Variants in SVEP1 observed in about 807,000 individuals in gnomAD.
SVEP1 encodes the protein sushi, von Willebrand factor type A, EGF and pentraxin domain-containing protein 1.
Under a neutral mutation model 367.3 loss-of-function variants are expected in SVEP1, and 164 were observed. The observed-to-expected ratio is 0.45, with a 90% CI of 0.39 to 0.51. The LOEUF is 0.51. Ranked by LOEUF, SVEP1 falls within the 20% of genes least tolerant of loss-of-function variation. SVEP1 has a pLI of 0.00. For synonymous variants in SVEP1, 1,666 were observed against 1,611.6 expected (o/e 1.03, Z -0.81); for missense variants, 4,117 against 4,425.3 (o/e 0.93, Z 1.98).
intron 17 of SVEP1, among the ~76,000 whole-genome samples, chr9:110,466,304 G>C (rs1167826188): frequency 2.0e-5 from 3 of 152,140 alleles, no homozygotes; most frequent in Non-Finnish European, 2.9e-5. Context: ...AATGAAGTTA[G>C]AAATACATAG....
chr9:110,499,009 T>A, intron 7 of SVEP1, 32 bp downstream of exon 7: 1 of 1,583,260 alleles, frequency 6.3e-7, no homozygotes, highest in Non-Finnish European at 8.6e-7. Flanking sequence ...TTAAAAAATT[T>A]GATTTTTAGC....
At chr9:110,471,284 T>C in intron 16 of SVEP1, 80 bp downstream of exon 16, 1 of 1,136,164 alleles carries the variant, frequency 8.8e-7, no homozygotes, top group South Asian at 1.5e-5. Flanking sequence ...CAATATCCCT[T>C]TATAGTTGTA....
Position 110,574,746 on chromosome 9 carries a change from T to TC in SVEP1, c.531+4266_531+4267insG, listed in dbSNP as rs1452903795. Among the ~76,000 whole-genome samples, 19 of 85,370 alleles carry TC rather than the reference T, an allele frequency of 2.2e-4. 1 individual carries two copies. Among genetic ancestry groups the TC allele is most frequent in the Admixed American group, 1.4e-4 (1 of 7,302 alleles). 56.0% of individuals were successfully genotyped at this position (85,370 alleles called of 152,430 possible). A position where few individuals can be genotyped will look rare whatever the true frequency, so the allele number is the denominator to read the frequency against. On this transcript the variant is annotated intron_variant, in intron 1 of 47. Transcript: ENST00000374469. ...GGGACTGAGTCCAGTCGACCTTCTT[T>TC]TTTTTTTTTTTTTTTTTTTTGAGGA...
At chr9:110,457,165 G>T in intron 21 of SVEP1, 91 bp downstream of exon 21, 1 of 1,030,188 alleles carries the variant, frequency 9.7e-7, no homozygotes, top group Non-Finnish European at 1.4e-6. Flanking sequence ...GTATCTTATC[G>T]GATATAGTTA....
chr9:110,458,885 C>A, intron 19 of SVEP1, 67 bp downstream of exon 19: 1 of 1,552,004 alleles, frequency 6.4e-7, no homozygotes, highest in Non-Finnish European at 8.8e-7. Context: ...AGAACTGAAG[C>A]TACAACAGAG....
intron 37 of SVEP1, among the ~76,000 whole-genome samples, chr9:110,409,330 G>A (rs113022004): frequency 8.1e-4 from 124 of 152,260 alleles, no homozygotes; most frequent in African/African-American, 2.9e-3. Context: ...GCTGAGGCAG[G>A]AGAATCACTT....
intron 3 of SVEP1, among the ~76,000 whole-genome samples, chr9:110,530,743 C>A (rs560844490): frequency 5.3e-5 from 8 of 151,970 alleles, no homozygotes; most frequent in Admixed American, 5.2e-4. Context: ...CACCATGTTG[C>A]CCAGGCTGGT....
At chr9:110,483,293 C>A (rs1438347107) in intron 10 of SVEP1, among the ~76,000 whole-genome samples, 2 of 152,078 alleles carry the variant, frequency 1.3e-5, no homozygotes, top group Non-Finnish European at 2.9e-5. Flanking sequence ...ACCTCTAGAG[C>A]AACATAAGCT....
rs770157923 is a variant in SVEP1, at chr9:110,459,011, G to A, written c.3425C>T (p.Ala1142Val). 2 of 1,613,860 alleles carry A rather than the reference G, an allele frequency of 1.2e-6. No individual in the cohort carries two copies. Among genetic ancestry groups the A allele is most frequent in the South Asian group, 1.1e-5 (1 of 91,078 alleles). The change falls in exon 19 of 48, where the codon GCC becomes GTC. Residue 1142 changes from alanine to valine, a missense_variant. By Grantham distance (64) the Ala-to-Val change is moderately conservative (BLOSUM62 0). Transcript: ENST00000374469. ...TGGGGTAGTTCCATAAAAGGGACAGGCCAGGCAGAAGGCCTTCCCTGCATT... is the reference window on the plus strand; with the variant it reads ...TGGGGTAGTTCCATAAAAGGGACAGACCAGGCAGAAGGCCTTCCCTGCATT... ...QPNAGKAFCL[A>V]CPFYGTTPFA...
intron 24 of SVEP1, among the ~76,000 whole-genome samples, chr9:110,449,059 T>C (rs998072978): frequency 2.0e-5 from 3 of 152,216 alleles, no homozygotes; most frequent in Non-Finnish European, 2.9e-5. Context: ...AATACAGTTT[T>C]CTAAAATTTT....
intron 1 of SVEP1, among the ~76,000 whole-genome samples, chr9:110,573,306 A>T (rs1830587594): frequency 6.6e-6 from 1 of 152,148 alleles, no homozygotes; most frequent in African/African-American, 2.4e-5. Flanking sequence ...CATCTCACAG[A>T]TCTTCAGGGT....
rs372906011 is a variant in SVEP1, at chr9:110,379,525, A to T, written c.10238-8T>A. ...GTGGACCACATGAGATTTCTACAGGATAACAAAACAACAATTAAGCTTGTG... is the reference window on the plus strand; with the variant it reads ...GTGGACCACATGAGATTTCTACAGGTTAACAAAACAACAATTAAGCTTGTG... On this transcript the variant is annotated splice_polypyrimidine_tract_variant and splice_region_variant and intron_variant, in intron 43 of 47. Transcript: ENST00000374469. 2 of 1,613,334 alleles carry T rather than the reference A, an allele frequency of 1.2e-6. No homozygotes were observed. Among genetic ancestry groups the T allele is most frequent in the Non-Finnish European group, 1.7e-6 (2 of 1,179,626 alleles).
chr9:110,471,047 AACATG>A (rs1314789508), intron 16 of SVEP1, among the ~76,000 whole-genome samples: 1 of 152,180 alleles, frequency 6.6e-6, no homozygotes, highest in Non-Finnish European at 1.5e-5. Context: ...AACAGGATTA[AACATG>A]ACTGGTGCTC....
chr9:110,465,768 A>T, intron 18 of SVEP1, 97 bp downstream of exon 18: 1 of 1,387,944 alleles, frequency 7.2e-7, no homozygotes, highest in Non-Finnish European at 9.7e-7. Flanking sequence ...CATTCTGTGC[A>T]TAGAGTAGAT....
intron 47 of SVEP1, among the ~76,000 whole-genome samples, chr9:110,367,497 G>C (rs1012570665): frequency 2.0e-5 from 3 of 152,096 alleles, no homozygotes; most frequent in African/African-American, 4.8e-5. Flanking sequence ...ATTCAGTCTC[G>C]TAGGAGAGAA....
intron 19 of SVEP1, 104 bp downstream of exon 19, chr9:110,458,848 C>T: frequency 7.1e-7 from 1 of 1,412,792 alleles, no homozygotes; most frequent in Non-Finnish European, 9.6e-7. Flanking sequence ...CTCCAGATGC[C>T]CAAATCCACC....
chr9:110,501,052 T>G (rs1829521282), intron 6 of SVEP1, among the ~76,000 whole-genome samples: 1 of 149,288 alleles, frequency 6.7e-6, no homozygotes, highest in East Asian at 1.9e-4. Flanking sequence ...CTTAGGTTAA[T>G]TTGGAAAGAA....
intron 3 of SVEP1, among the ~76,000 whole-genome samples, chr9:110,536,980 T>C (rs1199649573): frequency 6.6e-6 from 1 of 152,012 alleles, no homozygotes; most frequent in Non-Finnish European, 1.5e-5. Context: ...ATTGAGAAAG[T>C]GAATGATTGC....
rs1296268100 is a variant in SVEP1 at position 110,408,758 on chromosome 9, T to A, written c.6842A>T (p.Glu2281Val). ...GAAAAACTGAACCTTGGACCCTACT[T>A]CAAAGTTTTCTCCTTTCATGAAGCC... Reference protein sequence around the residue: ...QNGFMKGENFEVGSKVQFFCN... With the variant: ...QNGFMKGENFVVGSKVQFFCN... Residue 2281 changes from glutamate to valine, a missense_variant, in exon 38 of 48, where the codon GAA becomes GTA. This residue lies in a region of SVEP1 where 1,765 missense variants were observed against 1,781.1 expected (regional missense o/e 0.99). Transcript: ENST00000374469. 9 of 1,613,584 alleles carry A rather than the reference T, an allele frequency of 5.6e-6. No individual in the cohort carries two copies. In the African/African-American group the frequency reaches 1.2e-4, roughly 22 times the overall value.
Sources: gnomAD v4.1 joint callset for allele counts (sites outside exome capture counted in the v4.1 genomes callset) on GRCh38, gnomAD v4.1.1 for gene constraint, gnomAD v4.1.1 regional missense constraint, MANE v1.5 for transcripts, NCBI Gene and HGNC (gene_info 2026-07-23, HGNC 2026-07-21) for gene names.